Variants in ARRB1 observed in about 807,000 individuals in gnomAD.
ARRB1 encodes the protein arrestin beta 1.
ARRB1 carries 21 observed loss-of-function variants against 56.8 expected under a neutral mutation model. The ratio of observed to expected loss-of-function variants is 0.37; its 90% CI spans 0.26 to 0.53. The LOEUF is 0.53. Ranked by LOEUF, ARRB1 falls within the 20% of genes least tolerant of loss-of-function variation. The pLI, the probability that ARRB1 is intolerant of heterozygous loss-of-function variation, is 0.88. For synonymous variants in ARRB1, 210 were observed against 218.6 expected, an observed-to-expected ratio of 0.96 and a Z score of 0.35; for missense variants, 424 against 553.7, an observed-to-expected ratio of 0.77 and a Z score of 2.35.
Position 75,260,308 on chromosome 11 carries a change from C to T in ARRB1, c.*5855G>A, listed in dbSNP as rs1290651176. 2 of 152,198 alleles carry T rather than the reference C, an allele frequency of 1.3e-5. No homozygotes were observed. The highest frequency in any genetic ancestry group is 3.9e-4 in the East Asian group (2 of 5,190). The allele number at this position is 152,198 out of a possible 1,614,324, so 9.4% of individuals were successfully genotyped here. ...ATCACTCAACACAAGGGCCACAGAC[C>T]TGGAGATTCTTCCCAGCCATCCCTC... On this transcript the variant is annotated 3_prime_UTR_variant, in exon 16 of 16. Coordinates refer to ENST00000420843, the MANE Select transcript of ARRB1 (RefSeq NM_004041.5).
At chr11:75,341,826 C>T (rs915537618) in intron 1 of ARRB1, among the ~76,000 whole-genome samples, 5 of 152,224 alleles carry the variant, frequency 3.3e-5, no homozygotes, top group Non-Finnish European at 7.3e-5. Flanking sequence ...GCTTGGGGAG[C>T]CAGGTGGGCA....
chr11:75,323,099 A>C (rs1947374476), intron 1 of ARRB1, among the ~76,000 whole-genome samples: 3 of 152,218 alleles, frequency 2.0e-5, no homozygotes, highest in Non-Finnish European at 2.9e-5. Flanking sequence ...ATTCAGAGAT[A>C]AAATCAATAG....
chr11:75,276,393 C>T (rs1439875372), intron 10 of ARRB1, among the ~76,000 whole-genome samples: 1 of 152,162 alleles, frequency 6.6e-6, no homozygotes. Flanking sequence ...TGTAATTATT[C>T]TCTGCACTCC....
intron 1 of ARRB1, among the ~76,000 whole-genome samples, chr11:75,307,701 G>C (rs1464159002): frequency 6.6e-6 from 1 of 152,212 alleles, no homozygotes; most frequent in Non-Finnish European, 1.5e-5. Flanking sequence ...CTGACAGGGA[G>C]TCTTGCTCAC....
At chr11:75,340,185 G>A (rs1282614749) in intron 1 of ARRB1, among the ~76,000 whole-genome samples, 2 of 152,248 alleles carry the variant, frequency 1.3e-5, no homozygotes, top group African/African-American at 4.8e-5. Flanking sequence ...TGCCCTCTGG[G>A]GGCAGTTTGC....
chr11:75,334,074 G>A (rs1267536727), intron 1 of ARRB1, among the ~76,000 whole-genome samples: 1 of 152,164 alleles, frequency 6.6e-6, no homozygotes, highest in East Asian at 1.9e-4. Flanking sequence ...GCTCACGCTT[G>A]TAATCCCAGC....
At chr11:75,297,141 C>T (rs1189118570) in intron 1 of ARRB1, among the ~76,000 whole-genome samples, 1 of 152,028 alleles carries the variant, frequency 6.6e-6, no homozygotes, top group Non-Finnish European at 1.5e-5. Context: ...TGTTAAGATG[C>T]CTACGCTCCC....
At chr11:75,302,892 G>A (rs1439513016) in intron 1 of ARRB1, among the ~76,000 whole-genome samples, 1 of 152,082 alleles carries the variant, frequency 6.6e-6, no homozygotes, top group Non-Finnish European at 1.5e-5. Flanking sequence ...GGGAGGAGAT[G>A]GTCATGTTAC....
chr11:75,271,816 C>G (rs1946079446), intron 12 of ARRB1, 92 bp from the exon 13 acceptor site: 1 of 1,401,030 alleles, frequency 7.1e-7, no homozygotes, highest in Admixed American at 2.1e-5. Context: ...CTTCTGCTGT[C>G]CCCCGGATAG....
At chr11:75,342,816 G>A (rs1947710938) in intron 1 of ARRB1, among the ~76,000 whole-genome samples, 1 of 152,200 alleles carries the variant, frequency 6.6e-6, no homozygotes, top group Non-Finnish European at 1.5e-5. Flanking sequence ...AAGGCCCTGA[G>A]GCGGGAATGA....
At chr11:75,289,022 CG>C (rs1946546331) in intron 2 of ARRB1, among the ~76,000 whole-genome samples, 1 of 152,166 alleles carries the variant, frequency 6.6e-6, no homozygotes, top group East Asian at 1.9e-4. Flanking sequence ...GGAGAGGGGA[CG>C]GGGAGCTGTC....
intron 2 of ARRB1, among the ~76,000 whole-genome samples, chr11:75,289,389 C>T (rs372042559): frequency 1.3e-5 from 2 of 152,246 alleles, no homozygotes; most frequent in East Asian, 1.9e-4. Context: ...CCAATGGCCC[C>T]GTATCTCCCC....
rs764427869 is a variant in ARRB1 at position 75,262,825 on chromosome 11, C to G, written c.*3338G>C. On this transcript the variant is annotated 3_prime_UTR_variant, in exon 16 of 16. Coordinates refer to ENST00000420843, the MANE Select transcript of ARRB1 (RefSeq NM_004041.5). ...TTTCACTGCACCATGTAGGAACCAG[C>G]TTGTCAGGAACTCTCCCACAGAACC... Among the ~76,000 whole-genome samples, 1 of 152,282 alleles carries G rather than the reference C, an allele frequency of 6.6e-6. No homozygotes were observed. Among genetic ancestry groups the G allele is most frequent in the Admixed American group, 6.5e-5 (1 of 15,304 alleles).
rs1350257835 is a variant in ARRB1 at position 75,265,794 on chromosome 11, C to T, written c.*369G>A. 1.5e-5 allele frequency: 4 copies of T among 275,122 alleles called. No individual in the cohort carries two copies. The Admixed American group carries it at 1.9e-4, about 13-fold the overall frequency. 17.0% of individuals were successfully genotyped at this position (275,122 alleles called of 1,614,324 possible). A position where few individuals can be genotyped will look rare whatever the true frequency, so the allele number is the denominator to read the frequency against. On this transcript the variant is annotated 3_prime_UTR_variant, in exon 16 of 16. Transcript: ENST00000420843. ...TTCTCTCGTGTCTTGAGCCCTCATC[C>T]CCACCCCTCCAAGCCCTCATGCCCA...
At position 75,263,875 on chromosome 11, in the gene ARRB1, G is replaced by A. The variant is rs753297559; in HGVS notation, c.*2288C>T. ...GGCTCGGGAAACCAGCCTGACAAAC[G>A]TTTTCCATGCATGAGTTAGGGATAG... On this transcript the variant is annotated 3_prime_UTR_variant, in exon 16 of 16. Coordinates refer to ENST00000420843, the MANE Select transcript of ARRB1 (RefSeq NM_004041.5). Among the ~76,000 whole-genome samples, 3 of 152,204 alleles carry A rather than the reference G, an allele frequency of 2.0e-5. No individual in the cohort carries two copies. The highest frequency in any genetic ancestry group is 2.9e-5 in the Non-Finnish European group (2 of 68,038).
At chr11:75,341,145 T>A (rs1947687741) in intron 1 of ARRB1, among the ~76,000 whole-genome samples, 1 of 151,354 alleles carries the variant, frequency 6.6e-6, no homozygotes, top group Non-Finnish European at 1.5e-5. Context: ...GGCTTTTTTG[T>A]TGTTGTTGTT....
At chr11:75,347,482 C>T (rs1947788697) in intron 1 of ARRB1, among the ~76,000 whole-genome samples, 2 of 152,218 alleles carry the variant, frequency 1.3e-5, no homozygotes, top group Admixed American at 1.3e-4. Context: ...GAAGTCCCTC[C>T]TGTTGTCTAA....
chr11:75,308,800 A>C (rs994401899), intron 1 of ARRB1, among the ~76,000 whole-genome samples: 1 of 151,870 alleles, frequency 6.6e-6, no homozygotes, highest in Admixed American at 6.6e-5. Context: ...GGGTCTCACT[A>C]TATTGCCCTA....
chr11:75,311,242 A>G (rs867844966), intron 1 of ARRB1, among the ~76,000 whole-genome samples: 12 of 152,224 alleles, frequency 7.9e-5, no homozygotes, highest in Non-Finnish European at 1.8e-4. Context: ...AAGCTGGGGC[A>G]GGAGAATCAC....
Sources: gnomAD v4.1 joint callset for allele counts (sites outside exome capture counted in the v4.1 genomes callset) on GRCh38, gnomAD v4.1.1 for gene constraint, MANE v1.5 for transcripts, NCBI Gene and HGNC (gene_info 2026-07-23, HGNC 2026-07-21) for gene names.